The following MFSD6 variants were observed in gnomAD, a reference collection of about 807,000 sequenced individuals.
The protein encoded by MFSD6 is major facilitator superfamily domain-containing protein 6.
MFSD6 carries 26 observed loss-of-function variants against 56.3 expected under a neutral mutation model. That is an observed-to-expected ratio of 0.46 (90% CI 0.34 to 0.64). The LOEUF (loss-of-function observed/expected upper bound fraction) is 0.64. MFSD6 is among the 30% of genes least tolerant of loss of function. MFSD6 has a pLI of 0.01. For missense variants in MFSD6, 750 were observed against 986.2 expected, an observed-to-expected ratio of 0.76 and a Z score of 3.21; for synonymous variants, 331 against 366.9, an observed-to-expected ratio of 0.90 and a Z score of 1.12.
chr2:190,431,359 G>A lies in MFSD6; in HGVS notation c.-53-4618G>A, dbSNP rs1685989591. Among the ~76,000 whole-genome samples the A allele has an allele frequency of 6.6e-6, 1 of 152,226 alleles. No individual in the cohort carries two copies. Among genetic ancestry groups the A allele is most frequent in the South Asian group, 2.1e-4 (1 of 4,836 alleles). On this transcript the variant is annotated intron_variant, in intron 2 of 7. Transcript: ENST00000392328. The surrounding 1 kb of genome is among the most constrained non-coding windows in gnomAD (Gnocchi z 4.4). Reference sequence around the variant, plus strand: ...TTTGGGAGGCCAAGGCAGGCAGCTGGGAGGTGGAGGTTGTAGCGAGCCGAG... The same window carrying A: ...TTTGGGAGGCCAAGGCAGGCAGCTGAGAGGTGGAGGTTGTAGCGAGCCGAG...
At chr2:190,472,428 T>C (rs189553330) in intron 4 of MFSD6, among the ~76,000 whole-genome samples, 2 of 152,188 alleles carry the variant, frequency 1.3e-5, no homozygotes, top group East Asian at 1.9e-4. Flanking sequence ...GCACGAGAAA[T>C]AGGTGACAAA....
Position 190,497,779 on chromosome 2 carries a change from T to C in MFSD6, c.2172+60T>C. ...GTCACTCAAGATACCTTAACTGGGCTCAGTTTTAATTACTCACTTTTCATT... is the reference window on the plus strand; with the variant it reads ...GTCACTCAAGATACCTTAACTGGGCCCAGTTTTAATTACTCACTTTTCATT... On this transcript the variant is annotated intron_variant, in intron 7 of 7. Transcript: ENST00000392328. The surrounding 1 kb of genome is among the most constrained non-coding windows in gnomAD (Gnocchi z 5.2). 2.0e-6 allele frequency: 3 copies of C among 1,512,756 alleles called. No homozygotes were observed. The highest frequency in any genetic ancestry group is 4.5e-5 in the East Asian group (2 of 44,080). The allele number at this position is 1,512,756 out of a possible 1,614,324, so 93.7% of individuals were successfully genotyped here.
chr2:190,487,459 T>A lies in MFSD6; in HGVS notation c.1631-1198T>A, dbSNP rs1338851187. Among the ~76,000 whole-genome samples, 1 of 152,236 alleles carries A rather than the reference T, an allele frequency of 6.6e-6. No homozygotes were observed. Among genetic ancestry groups the A allele is most frequent in the African/African-American group, 2.4e-5 (1 of 41,460 alleles). ...TAAAAAGCAATGTTAACCATGATGC[T>A]AATTATAATGGGGAAAAGTAGAAAT... On this transcript the variant is annotated intron_variant, in intron 4 of 7. Transcript: ENST00000392328. This position sits in a 1 kb window ranked among gnomAD's most constrained non-coding sequence, Gnocchi z 5.5.
chr2:190,420,579 A>G (rs1471952055), intron 2 of MFSD6, among the ~76,000 whole-genome samples: 4 of 152,332 alleles, frequency 2.6e-5, no homozygotes, highest in Admixed American at 6.5e-5. Context: ...AGATTGTCTC[A>G]TCCAGCATAT....
Position 190,438,002 on chromosome 2 carries a change from T to TG in MFSD6, c.1532+442dup, listed in dbSNP as rs139459639. On this transcript the variant is annotated intron_variant, in intron 3 of 7. Coordinates refer to ENST00000392328, the MANE Select transcript of MFSD6 (RefSeq NM_017694.4). The surrounding 1 kb of genome is among the most constrained non-coding windows in gnomAD (Gnocchi z 5.2). ...GCCACTTGCTGACATAGATAGAGCC[T>TG]GAATATATGGCATCTAAAGATGTCC... 0.03 allele frequency among the ~76,000 whole-genome samples: 4,591 copies of TG among 152,268 alleles called. 154 individuals carry two copies. The highest frequency in any genetic ancestry group is 0.081 in the African/African-American group (3,381 of 41,516).
rs144448102 is a variant in MFSD6 at position 190,465,624 on chromosome 2, C to T, written c.1533-4134C>T. On this transcript the variant is annotated intron_variant, in intron 3 of 7. Transcript: ENST00000392328. This position sits in a 1 kb window ranked among gnomAD's most constrained non-coding sequence, Gnocchi z 4.6. ...TTTAAATTCCTTTATATTAGCAAAT[C>T]CCTAACTGTATTAGAGTGAATGTGT... is the stretch of plus-strand genomic sequence containing the variant. Among the ~76,000 whole-genome samples the T allele has an allele frequency of 3.3e-4, 50 of 152,258 alleles. 1 individual carries two copies. Among genetic ancestry groups the T allele is most frequent in the Non-Finnish European group, 3.2e-4 (22 of 68,022 alleles).
In MFSD6 at chr2:190,499,778, T is replaced by C; in HGVS notation, c.2173-237T>C. The C allele has an allele frequency of 6.8e-7, 1 of 1,477,536 alleles. No homozygotes were observed. 91.5% of individuals were successfully genotyped at this position (1,477,536 alleles called of 1,614,324 possible). A position where few individuals can be genotyped will look rare whatever the true frequency, so the allele number is the denominator to read the frequency against. On this transcript the variant is annotated intron_variant, in intron 7 of 7. Coordinates refer to ENST00000392328, the MANE Select transcript of MFSD6 (RefSeq NM_017694.4). The surrounding 1 kb of genome is among the most constrained non-coding windows in gnomAD (Gnocchi z 6.0). ...GACATTTTGGTAGTAATGTTCCTTT[T>C]TCCACAAGACACGTCTGCTTATAGT... is the stretch of plus-strand genomic sequence containing the variant.
In MFSD6 at chr2:190,443,059, G is replaced by T. The variant is rs1193157956; in HGVS notation, c.1532+5498G>T. ...TGTGTTATATGGAACTGTCATTATG[G>T]TATTACCGTAACCTGTTTCTATATA... On this transcript the variant is annotated intron_variant, in intron 3 of 7. Transcript: ENST00000392328. This position sits in a 1 kb window ranked among gnomAD's most constrained non-coding sequence, Gnocchi z 4.2. 1.3e-5 allele frequency: 2 copies of T among 152,100 alleles called. No homozygotes were observed. 9.4% of individuals were successfully genotyped at this position (152,100 alleles called of 1,614,324 possible).
chr2:190,408,533 G>T (rs2124970501), intron 1 of MFSD6, 30 bp downstream of exon 1: 1 of 151,876 alleles, frequency 6.6e-6, no homozygotes, highest in African/African-American at 2.4e-5. Flanking sequence ...CGGAGAAGGG[G>T]CTCGCAGACC....
At chr2:190,493,241 C>A (rs1390189796) in intron 6 of MFSD6, among the ~76,000 whole-genome samples, 1 of 152,014 alleles carries the variant, frequency 6.6e-6, no homozygotes, top group African/African-American at 2.4e-5. Context: ...ATTCTTACAT[C>A]AGACAAAGCA....
Position 190,489,585 on chromosome 2 carries a change from G to C in MFSD6, c.1793-183G>C, listed in dbSNP as rs547679477. Among the ~76,000 whole-genome samples, 1 of 152,248 alleles carries C rather than the reference G, an allele frequency of 6.6e-6. No homozygotes were observed. Among genetic ancestry groups the C allele is most frequent in the South Asian group, 2.1e-4 (1 of 4,816 alleles). ...AATGACAGATCCAATATCAGCCCTG[G>C]GTCTCTTGACACGTACCCAGCCCTG... On this transcript the variant is annotated intron_variant, in intron 5 of 7. Coordinates refer to ENST00000392328, the MANE Select transcript of MFSD6 (RefSeq NM_017694.4). This position sits in a 1 kb window ranked among gnomAD's most constrained non-coding sequence, Gnocchi z 6.6.
intron 4 of MFSD6, among the ~76,000 whole-genome samples, chr2:190,482,038 C>T (rs927320781): frequency 5.5e-5 from 8 of 145,436 alleles, no homozygotes; most frequent in Middle Eastern, 3.5e-3. Flanking sequence ...TTCTGGCCAG[C>T]GGAATAAAAG....
chr2:190,435,954 A>T, intron 2 of MFSD6, 23 bp from the exon 3 acceptor site: 1 of 1,503,742 alleles, frequency 6.7e-7, no homozygotes, highest in Admixed American at 2.2e-5. Flanking sequence ...TTACTAAGCC[A>T]TCTTTTAAAT....
rs71027224 is a variant in MFSD6 at position 190,478,835 on chromosome 2, T to TAA, written c.1630+8989_1630+8990dup. 1.1e-3 allele frequency among the ~76,000 whole-genome samples: 166 copies of TAA among 149,498 alleles called. 2 individuals are homozygous for TAA. Among genetic ancestry groups the TAA allele is most frequent in the Admixed American group, 2.8e-3 (42 of 15,036 alleles). ...CAGAACCATACAAGAGGGTCTTCCT[T>TAA]AAAAAAAAAATAAGCAAAGTCTGTC... On this transcript the variant is annotated intron_variant, in intron 4 of 7. Transcript: ENST00000392328.
In MFSD6 at chr2:190,491,103, C is replaced by CA. The variant is rs1415982282; in HGVS notation, c.1891+1244dup. ...ACTTGAATATCTTTGCTATTAATCA[C>CA]AAAAAAATTTAAAATCATTAATTAA... is the stretch of plus-strand genomic sequence containing the variant. On this transcript the variant is annotated intron_variant, in intron 6 of 7. Transcript: ENST00000392328. The surrounding 1 kb of genome is among the most constrained non-coding windows in gnomAD (Gnocchi z 4.2). Among the ~76,000 whole-genome samples the CA allele has an allele frequency of 1.3e-5, 2 of 152,070 alleles. No homozygotes were observed. Among genetic ancestry groups the CA allele is most frequent in the South Asian group, 2.1e-4 (1 of 4,810 alleles).
intron 2 of MFSD6, chr2:190,435,208 A>G (rs1007340334): frequency 1.3e-5 from 2 of 152,224 alleles, no homozygotes; most frequent in African/African-American, 4.8e-5. Flanking sequence ...CTTATTAGTT[A>G]AACCTGCCAT....
chr2:190,470,642 C>T (rs546317463), intron 4 of MFSD6, among the ~76,000 whole-genome samples: 6 of 152,234 alleles, frequency 3.9e-5, no homozygotes, highest in African/African-American at 9.6e-5. Flanking sequence ...TGATTATATA[C>T]GATTTCATTA....
rs901012312 is a variant in MFSD6, at chr2:190,416,596, T to A, written c.-54+1183T>A. ...AGCACAGATGGATGAAATACTAGCC[T>A]AGTTCAAGGGTGGTGCCAAATAATT... On this transcript the variant is annotated intron_variant, in intron 2 of 7. Coordinates refer to ENST00000392328, the MANE Select transcript of MFSD6 (RefSeq NM_017694.4). The surrounding 1 kb of genome is among the most constrained non-coding windows in gnomAD (Gnocchi z 4.1). Among the ~76,000 whole-genome samples the A allele has an allele frequency of 6.6e-6, 1 of 152,212 alleles. No homozygotes were observed. The highest frequency in any genetic ancestry group is 6.5e-5 in the Admixed American group (1 of 15,284).
rs760491861 is a variant in MFSD6 at position 190,436,514 on chromosome 2, A to T, written c.485A>T (p.Lys162Met). ...CCTGCTACCTTGAGATGTGTACCAA[A>T]GATTCGCCCAACAACTCACCCCACC... ...VKPATLRCVP[K>M]IRPTTHPTNA... The change falls in exon 3 of 8, where the codon AAG becomes ATG. Residue 162 changes from lysine to methionine, a missense_variant. This residue lies in a region of MFSD6 where 376 missense variants were observed against 437.9 expected (regional missense o/e 0.86). Coordinates refer to ENST00000392328, the MANE Select transcript of MFSD6 (RefSeq NM_017694.4). This position sits in a 1 kb window ranked among gnomAD's most constrained non-coding sequence, Gnocchi z 5.3. 6.2e-7 allele frequency: 1 copy of T among 1,614,228 alleles called. No individual in the cohort carries two copies. The highest frequency in any genetic ancestry group is 1.1e-5 in the South Asian group (1 of 91,084).
Sources: gnomAD v4.1 joint callset for allele counts (sites outside exome capture counted in the v4.1 genomes callset) on GRCh38, gnomAD v4.1.1 for gene constraint, gnomAD v4.1.1 regional missense constraint, Gnocchi (gnomAD v3.1) non-coding constraint, MANE v1.5 for transcripts, NCBI Gene and HGNC (gene_info 2026-07-23, HGNC 2026-07-21) for gene names.